The following STPG2 variants were observed in gnomAD, a reference collection of about 807,000 sequenced individuals.
The protein encoded by STPG2 is sperm-tail PG-rich repeat-containing protein 2.
Under a neutral mutation model 54.2 loss-of-function variants are expected in STPG2, and 56 were observed. The observed-to-expected ratio is 1.03, with a 90% confidence interval of 0.83 to 1.29. STPG2 has a LOEUF of 1.29. Among genes scored for constraint, STPG2 ranks in the 50% most tolerant of loss-of-function variants. The pLI, the probability that STPG2 is intolerant of heterozygous loss-of-function variation, is 0.00. For synonymous variants in STPG2, 200 were observed against 181.8 expected, an observed-to-expected ratio of 1.10 and a Z score of -0.81; for missense variants, 596 against 544.9, an observed-to-expected ratio of 1.09 and a Z score of -0.93.
chr4:97,680,771 G>A (rs1345333189), intron 10 of STPG2, among the ~76,000 whole-genome samples: 3 of 149,686 alleles, frequency 2.0e-5, no homozygotes, highest in East Asian at 2.0e-4. Flanking sequence ...CCCTTTGTCT[G>A]TCTTATCAGA....
intron 8 of STPG2, among the ~76,000 whole-genome samples, chr4:97,915,095 T>C (rs758699444): frequency 6.6e-6 from 1 of 152,202 alleles, no homozygotes; most frequent in African/African-American, 2.4e-5. Flanking sequence ...AACATATTCT[T>C]AATTTAATCC....
At chr4:98,029,825 GTCT>G (rs757646760) in intron 5 of STPG2, among the ~76,000 whole-genome samples, 99 of 152,118 alleles carry the variant, frequency 6.5e-4, no homozygotes, top group Non-Finnish European at 1.2e-3. Context: ...ATAGAGCTTT[GTCT>G]TCTTCTGGTT....
At chr4:97,797,665 T>A (rs992463910) in intron 9 of STPG2, among the ~76,000 whole-genome samples, 38 of 152,310 alleles carry the variant, frequency 2.5e-4, no homozygotes, top group African/African-American at 6.7e-4. Context: ...TTGTTGTGTC[T>A]TTTCCAGGCT....
intron 9 of STPG2, among the ~76,000 whole-genome samples, chr4:97,736,310 A>G (rs1724990056): frequency 1.3e-5 from 2 of 152,180 alleles, no homozygotes; most frequent in Admixed American, 6.5e-5. Context: ...CTGCATTTCC[A>G]TCTGAGGTAC....
intron 8 of STPG2, among the ~76,000 whole-genome samples, chr4:97,862,977 G>A (rs562021935): frequency 6.6e-6 from 1 of 152,196 alleles, no homozygotes; most frequent in East Asian, 1.9e-4. Context: ...AGCACTAAAT[G>A]CCCACAACAG....
intron 6 of STPG2, among the ~76,000 whole-genome samples, chr4:97,974,688 T>C (rs965067825): frequency 6.6e-6 from 1 of 152,184 alleles, no homozygotes; most frequent in Non-Finnish European, 1.5e-5. Flanking sequence ...CCTCCTCTTG[T>C]CTGCTGCCAT....
chr4:97,864,179 T>C (rs554773609), intron 8 of STPG2, among the ~76,000 whole-genome samples: 2 of 152,102 alleles, frequency 1.3e-5, no homozygotes, highest in Non-Finnish European at 2.9e-5. Context: ...CAGATGACAT[T>C]ATTGTATATC....
intron 10 of STPG2, among the ~76,000 whole-genome samples, chr4:97,710,967 C>A (rs915013587): frequency 6.6e-6 from 1 of 151,578 alleles, no homozygotes; most frequent in African/African-American, 2.4e-5. Context: ...AATGTTTTCT[C>A]TGACATGGGA....
At chr4:97,871,477 A>G (rs114325170) in intron 8 of STPG2, among the ~76,000 whole-genome samples, 1 of 151,190 alleles carries the variant, frequency 6.6e-6, no homozygotes, top group African/African-American at 2.4e-5. Flanking sequence ...GGAAATAATT[A>G]TTGAATCAGA....
At chr4:97,538,829 C>T (rs1578372100) in intron 4 of STPG2, among the ~76,000 whole-genome samples, 3 of 152,324 alleles carry the variant, frequency 2.0e-5, no homozygotes, top group African/African-American at 7.2e-5. Flanking sequence ...GCACATCAGA[C>T]TAACAGCTGA....
At chr4:97,899,879 C>A (rs1460125504) in intron 8 of STPG2, among the ~76,000 whole-genome samples, 1 of 152,092 alleles carries the variant, frequency 6.6e-6, no homozygotes, top group African/African-American at 2.4e-5. Context: ...TTGAAGACAA[C>A]CTAGGCAATA....
At chr4:97,892,071 C>T (rs1730792589) in intron 8 of STPG2, among the ~76,000 whole-genome samples, 1 of 152,056 alleles carries the variant, frequency 6.6e-6, no homozygotes, top group African/African-American at 2.4e-5. Context: ...CTACTTTTCT[C>T]TAAAATTTTC....
At chr4:97,711,340 G>C (rs918856359) in intron 10 of STPG2, among the ~76,000 whole-genome samples, 1 of 152,036 alleles carries the variant, frequency 6.6e-6, no homozygotes, top group Non-Finnish European at 1.5e-5. Context: ...GTAAACAAAC[G>C]TCATAAACTT....
chr4:97,932,653 G>C (rs1408965646), intron 8 of STPG2, among the ~76,000 whole-genome samples: 1 of 152,144 alleles, frequency 6.6e-6, no homozygotes, highest in African/African-American at 2.4e-5. Flanking sequence ...TGCTGAGGAT[G>C]ATGGCTTCCA....
At chr4:97,676,641 CT>C (rs1305142738) in intron 10 of STPG2, among the ~76,000 whole-genome samples, 1 of 151,978 alleles carries the variant, frequency 6.6e-6, no homozygotes, top group African/African-American at 2.4e-5. Context: ...CAGTAAAACC[CT>C]TGCCCTGGTT....
At chr4:98,002,228 G>C (rs1045886262) in intron 5 of STPG2, among the ~76,000 whole-genome samples, 4 of 151,918 alleles carry the variant, frequency 2.6e-5, no homozygotes, top group Non-Finnish European at 4.4e-5. Flanking sequence ...GTGCTGTATA[G>C]GAAAAGGGCC....
chr4:97,530,065 A>G (rs1473157667), intron 4 of STPG2, among the ~76,000 whole-genome samples: 2 of 152,208 alleles, frequency 1.3e-5, no homozygotes, highest in Non-Finnish European at 2.9e-5. Context: ...AAATTAAACA[A>G]ATAGTATAAC....
chr4:97,965,242 T>C (rs115724362), intron 7 of STPG2, among the ~76,000 whole-genome samples: 1,562 of 152,282 alleles, frequency 0.01, 31 homozygotes, highest in African/African-American at 0.036. Flanking sequence ...TCACTGCTAG[T>C]GCAGAAATCT....
chr4:98,046,574 T>C (rs1737136020), intron 5 of STPG2, among the ~76,000 whole-genome samples: 1 of 152,090 alleles, frequency 6.6e-6, no homozygotes, highest in Admixed American at 6.6e-5. Flanking sequence ...GAGATTAGGG[T>C]GTGCCAAGCC....
Sources: gnomAD v4.1 joint callset for allele counts (sites outside exome capture counted in the v4.1 genomes callset) on GRCh38, gnomAD v4.1.1 for gene constraint, MANE v1.5 for transcripts, NCBI Gene and HGNC (gene_info 2026-07-23, HGNC 2026-07-21) for gene names.